TAOK3: variants seen among roughly 807,000 people sequenced by gnomAD.
The protein encoded by TAOK3 is TAO kinase 3, also known as serine/threonine-protein kinase TAO3.
A neutral mutation model predicts 120.4 loss-of-function variants in TAOK3; 40 were observed. That is an observed-to-expected ratio of 0.33 (90% confidence interval 0.26 to 0.43). The LOEUF (loss-of-function observed/expected upper bound fraction) is 0.43. Among genes scored for constraint, TAOK3 ranks in the 20% least tolerant of loss-of-function variants. The pLI, the probability that TAOK3 is intolerant of heterozygous loss-of-function variation, is 1.00. For missense variants in TAOK3, 821 were observed against 1,112.1 expected (o/e 0.74, Z 3.72); for synonymous variants, 355 against 387.5 (o/e 0.92, Z 0.99).
In TAOK3 at chr12:118,233,664, CT is replaced by C; in HGVS notation, c.643+9del. 6.3e-7 allele frequency: 1 copy of C among 1,577,970 alleles called. No individual in the cohort carries two copies. The highest frequency in any genetic ancestry group is 8.7e-7 in the Non-Finnish European group (1 of 1,149,712). On this transcript the variant is annotated intron_variant, in intron 9 of 20. Transcript: ENST00000392533. The stretch of plus-strand genomic sequence containing the variant: ...AAAAATACAATGAAAACAAATAACT[CT>C]TTACTCACCCAATTCAATACAAGTG...
intron 9 of TAOK3, 82 bp from the exon 10 acceptor site, chr12:118,214,192 T>G (rs2038769154): frequency 1.8e-6 from 2 of 1,089,426 alleles, no homozygotes; most frequent in South Asian, 1.4e-5. Context: ...GAGCAAAGCT[T>G]TGCGGCTAAA....
intron 1 of TAOK3, among the ~76,000 whole-genome samples, chr12:118,284,847 A>G (rs544572374): frequency 6.6e-6 from 1 of 152,276 alleles, no homozygotes; most frequent in African/African-American, 2.4e-5. Context: ...GTATAATATT[A>G]TAATTCTATA....
chr12:118,207,858 T>TCACACACA (rs55978716), intron 11 of TAOK3, among the ~76,000 whole-genome samples: 14,695 of 144,356 alleles, frequency 0.1, 911 homozygotes, highest in Middle Eastern at 0.15. Flanking sequence ...AGACTCTGTC[T>TCACACACA]CACACACACA....
At chr12:118,210,749 T>C (rs1230717529) in intron 11 of TAOK3, among the ~76,000 whole-genome samples, 1 of 150,850 alleles carries the variant, frequency 6.6e-6, no homozygotes, top group Non-Finnish European at 1.5e-5. Context: ...TCTTTTTTTT[T>C]TTTTTTTGAG....
intron 14 of TAOK3, among the ~76,000 whole-genome samples, chr12:118,182,311 C>T (rs1233217898): frequency 6.6e-6 from 1 of 151,964 alleles, no homozygotes; most frequent in Admixed American, 6.6e-5. Flanking sequence ...GGGAATCAGG[C>T]CCATCTCTGT....
At chr12:118,345,180 G>T (rs1278433939) in intron 1 of TAOK3, among the ~76,000 whole-genome samples, 1 of 152,032 alleles carries the variant, frequency 6.6e-6, no homozygotes, top group African/African-American at 2.4e-5. Flanking sequence ...ACTAAGATGG[G>T]AATGAAATGT....
chr12:118,336,568 T>C (rs1487991811), intron 1 of TAOK3, among the ~76,000 whole-genome samples: 1 of 151,874 alleles, frequency 6.6e-6, no homozygotes, highest in Non-Finnish European at 1.5e-5. Context: ...ACCAAAAGCA[T>C]GACTCAGGGA....
intron 1 of TAOK3, among the ~76,000 whole-genome samples, chr12:118,287,820 C>A (rs571885831): frequency 2.0e-4 from 31 of 152,056 alleles, no homozygotes; most frequent in African/African-American, 7.2e-4. Context: ...GTTCCAAAAC[C>A]AAATAAAAGA....
At position 118,151,231 on chromosome 12, in the gene TAOK3, A is replaced by G. The variant is rs1219138689; in HGVS notation, c.2536-73T>C. The G allele has an allele frequency of 2.4e-5, 36 of 1,501,032 alleles. No homozygotes were observed. The Admixed American group carries it at 6.6e-4, about 27-fold the overall frequency. 93.0% of individuals were successfully genotyped at this position (1,501,032 alleles called of 1,614,324 possible). ...GCACCCACGTGCACGCGATACACCC[A>G]TAGGCACACATATGACATGCACACA... On this transcript the variant is annotated intron_variant, in intron 20 of 20. Coordinates refer to ENST00000392533, the MANE Select transcript of TAOK3 (RefSeq NM_016281.4).
intron 17 of TAOK3, among the ~76,000 whole-genome samples, chr12:118,165,095 A>C (rs2035496896): frequency 6.6e-6 from 1 of 152,206 alleles, no homozygotes; most frequent in Non-Finnish European, 1.5e-5. Flanking sequence ...TTAAGGAATA[A>C]AAAATAAGCC....
At chr12:118,323,593 T>C (rs546574575) in intron 1 of TAOK3, among the ~76,000 whole-genome samples, 1 of 152,260 alleles carries the variant, frequency 6.6e-6, no homozygotes, top group South Asian at 2.1e-4. Context: ...GGAAATAAGA[T>C]GATAGCTTCA....
At chr12:118,202,357 C>A (rs1312452562) in intron 11 of TAOK3, among the ~76,000 whole-genome samples, 1 of 151,932 alleles carries the variant, frequency 6.6e-6, no homozygotes, top group Non-Finnish European at 1.5e-5. Context: ...GAGGTGCTGA[C>A]TTCATTTTCT....
At chr12:118,300,578 T>C (rs1428838366) in intron 1 of TAOK3, among the ~76,000 whole-genome samples, 3 of 151,932 alleles carry the variant, frequency 2.0e-5, no homozygotes, top group Admixed American at 1.3e-4. Context: ...CGCACACACA[T>C]GCACGCACAC....
At chr12:118,310,774 A>T (rs2043231465) in intron 1 of TAOK3, among the ~76,000 whole-genome samples, 1 of 152,170 alleles carries the variant, frequency 6.6e-6, no homozygotes, top group South Asian at 2.1e-4. Flanking sequence ...AAGGGAGAAT[A>T]TGGAGGAAGG....
rs188564000 is a variant in TAOK3, at chr12:118,251,023, T to C, written c.120+4425A>G. Among the ~76,000 whole-genome samples the C allele has an allele frequency of 3.5e-4, 53 of 152,286 alleles. No homozygotes were observed. The East Asian group carries it at 9.9e-3, about 28-fold the overall frequency. ...ATAGCTCAAGTAGAGATAGGGACCATGAAGGACCTTGTGGGCTGGCTATAG... is the reference window on the plus strand; with the variant it reads ...ATAGCTCAAGTAGAGATAGGGACCACGAAGGACCTTGTGGGCTGGCTATAG... On this transcript the variant is annotated intron_variant, in intron 3 of 20. Coordinates refer to ENST00000392533, the MANE Select transcript of TAOK3 (RefSeq NM_016281.4).
At chr12:118,309,196 C>A (rs78427622) in intron 1 of TAOK3, among the ~76,000 whole-genome samples, 401 of 148,866 alleles carry the variant, frequency 2.7e-3, no homozygotes, top group African/African-American at 9.4e-3. Context: ...GGGCGTGGTG[C>A]TGCATGTCTG....
chr12:118,353,503 A>T (rs1422671993), intron 1 of TAOK3, among the ~76,000 whole-genome samples: 1 of 152,038 alleles, frequency 6.6e-6, no homozygotes, highest in Non-Finnish European at 1.5e-5. Flanking sequence ...CAAGCAGAAG[A>T]AGTTAGATTT....
intron 1 of TAOK3, among the ~76,000 whole-genome samples, chr12:118,354,876 C>T (rs770354775): frequency 6.6e-6 from 1 of 152,052 alleles, no homozygotes; most frequent in Non-Finnish European, 1.5e-5. Context: ...TACCCAGCCT[C>T]AGATGTCTTT....
intron 1 of TAOK3, among the ~76,000 whole-genome samples, chr12:118,301,448 C>A (rs546879773): frequency 2.6e-5 from 4 of 152,190 alleles, no homozygotes; most frequent in Admixed American, 1.3e-4. Flanking sequence ...TTTGTAGCTA[C>A]CTTCCTCTCC....
Sources: gnomAD v4.1 joint callset for allele counts (sites outside exome capture counted in the v4.1 genomes callset) on GRCh38, gnomAD v4.1.1 for gene constraint, MANE v1.5 for transcripts, NCBI Gene and HGNC (gene_info 2026-07-23, HGNC 2026-07-21) for gene names.